Variants in DPP10 observed in about 807,000 individuals in gnomAD.
The protein encoded by DPP10 is inactive dipeptidyl peptidase 10.
In DPP10, 33 loss-of-function variants were observed where a neutral mutation model predicts 120.9. That is an observed-to-expected ratio of 0.27 (90% confidence interval 0.21 to 0.37). The LOEUF (loss-of-function observed/expected upper bound fraction) is 0.37. Ranked by LOEUF, DPP10 falls within the 10% of genes least tolerant of loss-of-function variation. The pLI, the probability that DPP10 is intolerant of heterozygous loss-of-function variation, is 1.00. For missense variants in DPP10, 816 were observed against 942.8 expected, an observed-to-expected ratio of 0.87 and a Z score of 1.76; for synonymous variants, 337 against 326.1, an observed-to-expected ratio of 1.03 and a Z score of -0.36.
chr2:114,958,257 C>A (rs2104695613), intron 1 of DPP10, among the ~76,000 whole-genome samples: 1 of 152,268 alleles, frequency 6.6e-6, no homozygotes, highest in South Asian at 2.1e-4. Context: ...TGAAGTATGG[C>A]TGATGGGATT....
In DPP10 at chr2:115,025,368, G is replaced by C. The variant is rs541814342; in HGVS notation, c.61-283871G>C. On this transcript the variant is annotated intron_variant, in intron 1 of 25. Coordinates refer to ENST00000410059, the MANE Select transcript of DPP10 (RefSeq NM_020868.6). ...TTATAGTTGAATAATATTCCATTGT[G>C]TAAATATTGCAGATTTGCTTTATCC... is the stretch of plus-strand genomic sequence containing the variant. 1.8e-4 allele frequency among the ~76,000 whole-genome samples: 28 copies of C among 152,204 alleles called. No homozygotes were observed. The South Asian group carries it at 5.8e-3, about 32-fold the overall frequency.
intron 5 of DPP10, among the ~76,000 whole-genome samples, chr2:115,610,490 A>AGTGTGTGTGT (rs751694854): frequency 6.4e-5 from 2 of 31,196 alleles, no homozygotes; most frequent in Admixed American, 4.2e-4. Flanking sequence ...AAGCAGTATG[A>AGTGTGTGTGT]GTGTGTGTGT....
intron 1 of DPP10, among the ~76,000 whole-genome samples, chr2:114,497,341 A>ATACGTGTATACATGTACATG (rs1682726509): frequency 3.4e-4 from 7 of 20,808 alleles, no homozygotes; most frequent in Admixed American, 1.9e-3. Context: ...ACATGTACAT[A>ATACGTGTATACATGTACATG]TACATACACA....
At chr2:115,020,185 C>T (rs1028606330) in intron 1 of DPP10, among the ~76,000 whole-genome samples, 1 of 152,042 alleles carries the variant, frequency 6.6e-6, no homozygotes, top group Non-Finnish European at 1.5e-5. Flanking sequence ...AATGTAAATG[C>T]CCTAAATGTT....
intron 3 of DPP10, among the ~76,000 whole-genome samples, chr2:115,489,716 T>C (rs760339226): frequency 2.0e-5 from 3 of 151,660 alleles, no homozygotes; most frequent in Admixed American, 6.6e-5. Context: ...CCCCAAAATA[T>C]ATTTTTTGTT....
chr2:115,760,765 G>A (rs926443568), intron 11 of DPP10, among the ~76,000 whole-genome samples: 2 of 152,118 alleles, frequency 1.3e-5, no homozygotes, highest in Non-Finnish European at 2.9e-5. Flanking sequence ...AAAGTGTTCT[G>A]GATGGTTTTT....
chr2:115,363,091 A>G (rs888818482), intron 3 of DPP10, among the ~76,000 whole-genome samples: 1 of 152,166 alleles, frequency 6.6e-6, no homozygotes, highest in Admixed American at 6.5e-5. Flanking sequence ...TGAAGCTTAA[A>G]CCTATCTGGT....
At chr2:115,718,364 A>G (rs554724046) in intron 7 of DPP10, among the ~76,000 whole-genome samples, 2 of 152,282 alleles carry the variant, frequency 1.3e-5, no homozygotes, top group Admixed American at 6.5e-5. Context: ...ACAAAGAGCA[A>G]TTGACACTGT....
At chr2:115,644,913 A>G (rs190528453) in intron 5 of DPP10, among the ~76,000 whole-genome samples, 2 of 152,340 alleles carry the variant, frequency 1.3e-5, no homozygotes, top group Non-Finnish European at 2.9e-5. Flanking sequence ...ATAATTATTT[A>G]TATTGAAATA....
At chr2:114,879,644 G>A (rs77972076) in intron 1 of DPP10, among the ~76,000 whole-genome samples, 2 of 152,026 alleles carry the variant, frequency 1.3e-5, no homozygotes, top group South Asian at 2.1e-4. Flanking sequence ...AGCCTTCATC[G>A]TGGTGGGGGT....
rs113153686 is a variant in DPP10, at chr2:115,084,380, C to G, written c.61-224859C>G. On this transcript the variant is annotated intron_variant, in intron 1 of 25. Transcript: ENST00000410059. ...GTTCATTTAGCCAGAATTATGATTT[C>G]AAAATAACTAAGGACTATAGGCAAC... Among the ~76,000 whole-genome samples, 204 of 152,252 alleles carry G rather than the reference C, an allele frequency of 1.3e-3. 2 individuals are homozygous for G. Among genetic ancestry groups the G allele is most frequent in the African/African-American group, 4.6e-3 (192 of 41,552 alleles).
chr2:114,649,722 A>G (rs1409107388), intron 1 of DPP10, among the ~76,000 whole-genome samples: 1 of 152,206 alleles, frequency 6.6e-6, no homozygotes, highest in Non-Finnish European at 1.5e-5. Context: ...TCTAGAATTC[A>G]GTTTTGGACT....
intron 1 of DPP10, among the ~76,000 whole-genome samples, chr2:115,073,132 T>C (rs530028876): frequency 7.9e-5 from 12 of 152,360 alleles, no homozygotes; most frequent in Admixed American, 5.2e-4. Context: ...CTTCCTGATC[T>C]TCCTGATTTT....
intron 3 of DPP10, among the ~76,000 whole-genome samples, chr2:115,446,964 C>G (rs2072656253): frequency 6.6e-6 from 1 of 152,188 alleles, no homozygotes; most frequent in East Asian, 1.9e-4. Context: ...ACCAGGATGA[C>G]AGTGCTCTTG....
intron 1 of DPP10, among the ~76,000 whole-genome samples, chr2:114,498,867 A>C (rs1682906375): frequency 6.6e-6 from 1 of 152,208 alleles, no homozygotes; most frequent in African/African-American, 2.4e-5. Flanking sequence ...CCATGTAGCT[A>C]TTCACAATAG....
intron 1 of DPP10, among the ~76,000 whole-genome samples, chr2:114,643,081 C>T (rs1227350029): frequency 2.0e-5 from 3 of 152,026 alleles, no homozygotes; most frequent in Admixed American, 1.3e-4. Context: ...TCAGACTAGT[C>T]ACCCTCATCT....
intron 1 of DPP10, among the ~76,000 whole-genome samples, chr2:114,804,824 A>C (rs1302935482): frequency 6.6e-6 from 1 of 152,130 alleles, no homozygotes; most frequent in East Asian, 1.9e-4. Context: ...TTAATGCTGA[A>C]ATGAGTTAAG....
At chr2:114,681,791 A>G (rs753798241) in intron 1 of DPP10, among the ~76,000 whole-genome samples, 12 of 152,176 alleles carry the variant, frequency 7.9e-5, no homozygotes, top group Non-Finnish European at 1.5e-4. Flanking sequence ...TTTGTCATCC[A>G]ACATTGTTAT....
chr2:115,497,967 A>G (rs1376260268), intron 3 of DPP10, among the ~76,000 whole-genome samples: 1 of 152,082 alleles, frequency 6.6e-6, no homozygotes, highest in Non-Finnish European at 1.5e-5. Context: ...AAAGAACCCA[A>G]TTCCTTTTTA....
Sources: gnomAD v4.1 joint callset for allele counts (sites outside exome capture counted in the v4.1 genomes callset) on GRCh38, gnomAD v4.1.1 for gene constraint, MANE v1.5 for transcripts, NCBI Gene and HGNC (gene_info 2026-07-23, HGNC 2026-07-21) for gene names.